RCAN3: variants seen among roughly 807,000 people sequenced by gnomAD.
RCAN3 encodes regulator of calcineurin 3.
In RCAN3, 19 loss-of-function variants were observed where a neutral mutation model predicts 21.9. The observed-to-expected ratio is 0.87, with a 90% CI of 0.61 to 1.27. The LOEUF is 1.27. RCAN3 is among the 50% of genes most tolerant of loss of function. RCAN3 has a pLI of 0.00. For missense variants in RCAN3, 240 were observed against 300.1 expected (o/e 0.80, Z 1.48); for synonymous variants, 114 against 112.3 (o/e 1.01, Z -0.09).
chr1:24,524,830 T>G (rs1022420413), intron 2 of RCAN3, among the ~76,000 whole-genome samples: 1 of 91,922 alleles, frequency 1.1e-5, no homozygotes, highest in Admixed American at 8.9e-5. Context: ...TTTCTTTTGT[T>G]TTTTTTTTTT....
chr1:24,535,349 G>A lies in RCAN3; in HGVS notation c.*72G>A, dbSNP rs1650155706. On this transcript the variant is annotated 3_prime_UTR_variant, in exon 5 of 5. Coordinates refer to ENST00000374395, the MANE Select transcript of RCAN3 (RefSeq NM_013441.4). ...ATGGCGCTCTGTGCCTGCGGCCGAT[G>A]CGTTGCTGCGAACAGCATAGGTGAG... 3.4e-6 allele frequency: 5 copies of A among 1,466,182 alleles called. No individual in the cohort carries two copies. The highest frequency in any genetic ancestry group is 1.5e-5 in the South Asian group (1 of 65,692). 90.8% of individuals were successfully genotyped at this position (1,466,182 alleles called of 1,614,324 possible).
At chr1:24,527,941 GCT>G (rs1195112235) in intron 2 of RCAN3, among the ~76,000 whole-genome samples, 5 of 152,062 alleles carry the variant, frequency 3.3e-5, no homozygotes, top group Non-Finnish European at 1.5e-5. Context: ...CTCAAATATT[GCT>G]CTCTTTCTTT....
chr1:24,510,012 G>A (rs1325286168), intron 1 of RCAN3, among the ~76,000 whole-genome samples: 2 of 152,290 alleles, frequency 1.3e-5, no homozygotes, highest in Non-Finnish European at 2.9e-5. Context: ...AATTGTCAAC[G>A]AGAACAATGT....
chr1:24,523,633 CACACACACAT>C (rs1204405571), intron 2 of RCAN3, among the ~76,000 whole-genome samples: 4 of 137,850 alleles, frequency 2.9e-5, no homozygotes, highest in African/African-American at 1.3e-4. Context: ...CACACACACA[CACACACACAT>C]ATATATTTTT....
chr1:24,534,464 G>A (rs1424249270), intron 4 of RCAN3, among the ~76,000 whole-genome samples: 2 of 152,172 alleles, frequency 1.3e-5, no homozygotes, highest in East Asian at 1.9e-4. Flanking sequence ...CAAATTAGCC[G>A]GGCGTGATAG....
intron 2 of RCAN3, among the ~76,000 whole-genome samples, chr1:24,523,156 C>T (rs1184341925): frequency 1.4e-4 from 21 of 151,818 alleles, no homozygotes; most frequent in African/African-American, 2.9e-4. Flanking sequence ...CTTCACCTCC[C>T]GGGTTCAAAG....
chr1:24,521,409 C>G (rs1182510948), intron 2 of RCAN3, among the ~76,000 whole-genome samples: 1 of 151,910 alleles, frequency 6.6e-6, no homozygotes, highest in Non-Finnish European at 1.5e-5. Context: ...TAAAACAAAA[C>G]AAAACAAAAA....
Position 24,533,087 on chromosome 1 carries a change from A to C in RCAN3, c.374A>C (p.Gln125Pro). The C allele has an allele frequency of 1.4e-6, 2 of 1,478,356 alleles. No homozygotes were observed. The highest frequency in any genetic ancestry group is 1.5e-5 in the South Asian group (1 of 68,198). The allele number at this position is 1,478,356 out of a possible 1,614,324, so 91.6% of individuals were successfully genotyped here. The change falls in exon 4 of 5, where the codon CAG becomes CCG. Residue 125 changes from glutamine to proline, a missense_variant. Physicochemically the swap from Gln to Pro is moderately conservative, Grantham distance 76. Coordinates refer to ENST00000374395, the MANE Select transcript of RCAN3 (RefSeq NM_013441.4). ...QKLKLYFAQVQMSGEVRDKSY... is the reference protein window; with the variant it reads ...QKLKLYFAQVPMSGEVRDKSY... ...TGAGCGTCTCGCTCCCTGCAGGTGC[A>C]GATGTCCGGCGAAGTGCGGGACAAG...
At chr1:24,531,471 T>C in intron 3 of RCAN3, 80 bp downstream of exon 3, 1 of 1,096,530 alleles carries the variant, frequency 9.1e-7, no homozygotes, top group Non-Finnish European at 1.3e-6. Flanking sequence ...CCGTTTTCTA[T>C]ATTATTATAG....
rs1650419352 is a variant in RCAN3, at chr1:24,540,039, T to G, written c.*4762T>G. The G allele has an allele frequency of 6.6e-6, 1 of 152,250 alleles. No homozygotes were observed. Among genetic ancestry groups the G allele is most frequent in the African/African-American group, 2.4e-5 (1 of 41,470 alleles). 9.4% of individuals were successfully genotyped at this position (152,250 alleles called of 1,614,324 possible). A position where few individuals can be genotyped will look rare whatever the true frequency, so the allele number is the denominator to read the frequency against. ...CCTTGTCCTACAATTCGCTGAATAC[T>G]TATTTGTCTTTTAAACTCCCCTCGG... On this transcript the variant is annotated 3_prime_UTR_variant, in exon 5 of 5. Transcript: ENST00000374395.
In RCAN3 at chr1:24,535,909, A is replaced by G. The variant is rs992701853; in HGVS notation, c.*632A>G. On this transcript the variant is annotated 3_prime_UTR_variant, in exon 5 of 5. Transcript: ENST00000374395. ...AGTCTTACGACACAGATCCACCCACATGTTGCTCTTATCTGGAATTTGGGA... is the reference window on the plus strand; with the variant it reads ...AGTCTTACGACACAGATCCACCCACGTGTTGCTCTTATCTGGAATTTGGGA... The G allele has an allele frequency of 2.6e-5, 4 of 152,176 alleles. No homozygotes were observed. The highest frequency in any genetic ancestry group is 2.6e-4 in the Admixed American group (4 of 15,274). The allele number at this position is 152,176 out of a possible 1,614,324, so 9.4% of individuals were successfully genotyped here.
intron 1 of RCAN3, 145 bp downstream of exon 1, chr1:24,503,295 T>C (rs1647223027): frequency 7.1e-6 from 1 of 141,180 alleles, no homozygotes; most frequent in African/African-American, 2.7e-5. Context: ...CGGGAGATGC[T>C]ACCGCGCGCG....
rs376206966 is a variant in RCAN3, at chr1:24,533,066, C to T, written c.370-17C>T. The stretch of plus-strand genomic sequence containing the variant: ...GCCCGGTTTGCAAACTGGCTTTGAG[C>T]GTCTCGCTCCCTGCAGGTGCAGATG... On this transcript the variant is annotated splice_polypyrimidine_tract_variant and intron_variant, in intron 3 of 4. Transcript: ENST00000374395. The T allele has an allele frequency of 1.7e-4, 240 of 1,379,360 alleles. No individual in the cohort carries two copies. In the Admixed American group the frequency reaches 2.1e-3, roughly 12 times the overall value. 85.4% of individuals were successfully genotyped at this position (1,379,360 alleles called of 1,614,324 possible).
At chr1:24,509,196 C>A in intron 1 of RCAN3, among the ~76,000 whole-genome samples, 1 of 152,124 alleles carries the variant, frequency 6.6e-6, no homozygotes, top group East Asian at 1.9e-4. Context: ...AAGTCGTAAT[C>A]TTTTTGTTGG....
In RCAN3 at chr1:24,511,413, T is replaced by C. The variant is rs1647876690; in HGVS notation, c.-59-2901T>C. 2.0e-5 allele frequency among the ~76,000 whole-genome samples: 3 copies of C among 152,102 alleles called. No individual in the cohort carries two copies. The South Asian group carries it at 6.2e-4, about 32-fold the overall frequency. ...TCATTGATTAAGAACACCCACGACG[T>C]GTATTCATTGATTAAGAACACCCAC... On this transcript the variant is annotated intron_variant, in intron 1 of 4. Transcript: ENST00000374395.
chr1:24,509,649 C>T (rs1485304478), intron 1 of RCAN3, among the ~76,000 whole-genome samples: 2 of 152,172 alleles, frequency 1.3e-5, no homozygotes, highest in African/African-American at 4.8e-5. Flanking sequence ...GTTATTTTCT[C>T]CACTGATGTC....
intron 2 of RCAN3, among the ~76,000 whole-genome samples, chr1:24,521,474 GCATCTTCA>G (rs1334834895): frequency 3.9e-5 from 6 of 152,142 alleles, no homozygotes; most frequent in African/African-American, 1.4e-4. Context: ...AGATGCAGTA[GCATCTTCA>G]GAGAGAAGGC....
At chr1:24,509,152 C>T (rs1647692013) in intron 1 of RCAN3, among the ~76,000 whole-genome samples, 2 of 152,126 alleles carry the variant, frequency 1.3e-5, no homozygotes, top group African/African-American at 4.8e-5. Context: ...CAGAGTGAGA[C>T]CCCACCCCAT....
At chr1:24,505,808 G>A (rs16829748) in intron 1 of RCAN3, among the ~76,000 whole-genome samples, 1 of 152,112 alleles carries the variant, frequency 6.6e-6, no homozygotes, top group South Asian at 2.1e-4. Context: ...ATACTGAAAT[G>A]TTCACCAAGT....
Sources: gnomAD v4.1 joint callset for allele counts (sites outside exome capture counted in the v4.1 genomes callset) on GRCh38, gnomAD v4.1.1 for gene constraint, MANE v1.5 for transcripts, NCBI Gene and HGNC (gene_info 2026-07-23, HGNC 2026-07-21) for gene names.